ZBTB45: variants seen among roughly 807,000 people sequenced by gnomAD.
ZBTB45 encodes zinc finger and BTB domain-containing protein 45.
A neutral mutation model predicts 28.4 loss-of-function variants in ZBTB45; 22 were observed. The observed-to-expected ratio is 0.77, with a 90% CI of 0.55 to 1.10. ZBTB45 has a LOEUF of 1.10. ZBTB45 is among the 50% of genes least tolerant of loss of function. The pLI is 0.00. For missense variants in ZBTB45, 656 were observed against 750.2 expected (o/e 0.87, Z 1.47); for synonymous variants, 361 against 332.3 (o/e 1.09, Z -0.94).
chr19:58,522,817 C>G (rs1298407649), upstream of ZBTB45, among the ~76,000 whole-genome samples: 1 of 152,092 alleles, frequency 6.6e-6, no homozygotes, highest in African/African-American at 2.4e-5. Flanking sequence ...GGACGGCCCT[C>G]CCTTGGGCAA....
chr19:58,533,134 C>T (rs1011892596), intron 1 of ZBTB45, among the ~76,000 whole-genome samples: 6 of 152,144 alleles, frequency 3.9e-5, no homozygotes, highest in Admixed American at 2.6e-4. Flanking sequence ...CCACGTCCGG[C>T]CTAATTTTTA....
Position 58,529,904 on chromosome 19 carries a change from T to C in ZBTB45, c.-1+8797A>G, listed in dbSNP as rs116681612. ...TTAGTACTTCCTTTTTATGGCTGAA[T>C]GAGACCCCATTATGGCTGGGTGTGG... On this transcript the variant is annotated intron_variant, in intron 1 of 1. Transcript: ENST00000600130. Among the ~76,000 whole-genome samples the C allele has an allele frequency of 7.0e-3, 1,068 of 152,266 alleles. 12 individuals carry two copies. Among genetic ancestry groups the C allele is most frequent in the African/African-American group, 0.024 (983 of 41,546 alleles).
chr19:58,533,461 G>A lies in ZBTB45; in HGVS notation c.-1+5240C>T, dbSNP rs570414983. On this transcript the variant is annotated intron_variant, in intron 1 of 1. Transcript: ENST00000600130. The stretch of plus-strand genomic sequence containing the variant: ...GGTATTTGAAGCTGTCAGCCTTCAA[G>A]ACTGGAGTGATGCAGTGACAAGCCG... Among the ~76,000 whole-genome samples, 17 of 152,340 alleles carry A rather than the reference G, an allele frequency of 1.1e-4. 1 individual carries two copies. The South Asian group carries it at 3.5e-3, about 32-fold the overall frequency.
chr19:58,515,450 C>T lies in ZBTB45; in HGVS notation c.1279+945G>A, dbSNP rs1425310368. On this transcript the variant is annotated intron_variant, in intron 2 of 2. Transcript: ENST00000594051. The surrounding 1 kb of genome is among the most constrained non-coding windows in gnomAD (Gnocchi z 4.7). ...CACACTTCACACAGCCAGCACTACCCTGGGGCCTCTGGCAGTTCCCTGGAG... is the reference window on the plus strand; with the variant it reads ...CACACTTCACACAGCCAGCACTACCTTGGGGCCTCTGGCAGTTCCCTGGAG... 6.6e-6 allele frequency among the ~76,000 whole-genome samples: 1 copy of T among 152,148 alleles called. No individual in the cohort carries two copies. Among genetic ancestry groups the T allele is most frequent in the African/African-American group, 2.4e-5 (1 of 41,432 alleles).
chr19:58,521,366 CA>C (rs1180915172), upstream of ZBTB45, among the ~76,000 whole-genome samples: 247 of 93,798 alleles, frequency 2.6e-3, 2 homozygotes, highest in African/African-American at 7.8e-3. Context: ...CACTCAGTCT[CA>C]AAAAAAAAAA....
rs2053444454 is a variant in ZBTB45 at position 58,513,715 on chromosome 19, A to G, written c.*339T>C. 1 of 249,654 alleles carries G rather than the reference A, an allele frequency of 4.0e-6. No individual in the cohort carries two copies. Among genetic ancestry groups the G allele is most frequent in the Non-Finnish European group, 7.6e-6 (1 of 131,674 alleles). The allele number at this position is 249,654 out of a possible 1,614,324, so 15.5% of individuals were successfully genotyped here. On this transcript the variant is annotated 3_prime_UTR_variant, in exon 3 of 3. Transcript: ENST00000594051. ...GCAGGCAAGCGGCCCCCCAGCCCCC[A>G]CCACCACCCCAGGAGAGGGCGGGGT... is the stretch of plus-strand genomic sequence containing the variant.
At position 58,526,206 on chromosome 19, in the gene ZBTB45, TTTATTATTA is replaced by T. The variant is rs545744378; in HGVS notation, c.1-8542_1-8534del. ...TAAGCATGAGCCATGGTGCCTGGACTTTATTATTATTATTATTATTGAGATGCAGTTTGG... is the reference window on the plus strand; with the variant it reads ...TAAGCATGAGCCATGGTGCCTGGACTTTATTATTATTGAGATGCAGTTTGG... On this transcript the variant is annotated intron_variant, in intron 1 of 1. Coordinates refer to the ZBTB45 transcript ENST00000600130. 2.1e-3 allele frequency among the ~76,000 whole-genome samples: 324 copies of T among 151,802 alleles called. 1 individual carries two copies. The highest frequency in any genetic ancestry group is 0.014 in the Middle Eastern group (4 of 294).
At chr19:58,521,376 AAAAAAAAAG>A (rs1600064886), upstream of ZBTB45, among the ~76,000 whole-genome samples, 1 of 145,554 alleles carries the variant, frequency 6.9e-6, no homozygotes, top group African/African-American at 2.5e-5. Context: ...CAAAAAAAAA[AAAAAAAAAG>A]AAAGAAAGAA....
intron 1 of ZBTB45, among the ~76,000 whole-genome samples, chr19:58,530,490 G>A (rs1210685505): frequency 6.6e-6 from 1 of 151,522 alleles, no homozygotes; most frequent in African/African-American, 2.4e-5. Context: ...ATTTTTAGTA[G>A]AGATGGGGTT....
chr19:58,523,326 A>G (rs1238387046), upstream of ZBTB45, among the ~76,000 whole-genome samples: 12 of 151,932 alleles, frequency 7.9e-5, no homozygotes, highest in Admixed American at 7.9e-4. Flanking sequence ...CAGGTGGATC[A>G]CCTGAGGTCA....
At chr19:58,525,033 A>G (rs1360268765) in intron 1 of ZBTB45, among the ~76,000 whole-genome samples, 2 of 152,212 alleles carry the variant, frequency 1.3e-5, no homozygotes, top group African/African-American at 4.8e-5. Flanking sequence ...GGGCCTCCTC[A>G]GCTGGCTAAG....
chr19:58,518,572 T>A (rs553807240), intron 1 of ZBTB45, among the ~76,000 whole-genome samples: 2 of 151,894 alleles, frequency 1.3e-5, no homozygotes, highest in South Asian at 4.2e-4. Context: ...TAGCTGCCCA[T>A]GGAGTAATCG....
In ZBTB45 at chr19:58,516,655, C is replaced by A; in HGVS notation, c.1019G>T (p.Gly340Val). 2 of 1,563,216 alleles carry A rather than the reference C, an allele frequency of 1.3e-6. No individual in the cohort carries two copies. The highest frequency in any genetic ancestry group is 1.7e-6 in the Non-Finnish European group (2 of 1,153,958). ...ALFPFHLGAP[G>V]PPAPPPSAPS... Reference sequence around the variant, plus strand: ...TGCTGAAGGGGGTGGTGCGGGTGGCCCAGGGGCACCCAAGTGAAAGGGGAA... The same window carrying A: ...TGCTGAAGGGGGTGGTGCGGGTGGCACAGGGGCACCCAAGTGAAAGGGGAA... The change falls in exon 2 of 3, where the codon GGG becomes GTG. Residue 340 changes from glycine to valine, a missense_variant. By Grantham distance (109) the Gly-to-Val change is moderately radical. Around this residue, in one of 3 missense-constraint regions of ZBTB45, gnomAD observed 448 missense variants for 444.3 expected, o/e 1.01. Transcript: ENST00000594051. The surrounding 1 kb of genome is among the most constrained non-coding windows in gnomAD (Gnocchi z 6.2).
chr19:58,522,663 A>C (rs1209233966), upstream of ZBTB45, among the ~76,000 whole-genome samples: 1 of 152,102 alleles, frequency 6.6e-6, no homozygotes, highest in Non-Finnish European at 1.5e-5. Context: ...AAAAACACAC[A>C]AGTCTAATAA....
chr19:58,531,489 T>C (rs2053635528), intron 1 of ZBTB45, among the ~76,000 whole-genome samples: 1 of 152,192 alleles, frequency 6.6e-6, no homozygotes, highest in Non-Finnish European at 1.5e-5. Flanking sequence ...CAGATAATCC[T>C]GGGCAGTGCA....
At chr19:58,531,246 G>A (rs1222403510) in intron 1 of ZBTB45, among the ~76,000 whole-genome samples, 1 of 152,192 alleles carries the variant, frequency 6.6e-6, no homozygotes, top group Non-Finnish European at 1.5e-5. Context: ...CTGATGTGGA[G>A]CATTTATTGG....
chr19:58,518,408 C>T (rs1336043258), intron 1 of ZBTB45, among the ~76,000 whole-genome samples: 2 of 152,112 alleles, frequency 1.3e-5, no homozygotes, highest in African/African-American at 4.8e-5. Context: ...CCAGGGAAAC[C>T]AGTACATGCT....
chr19:58,537,998 C>A (rs929666009), intron 1 of ZBTB45, among the ~76,000 whole-genome samples: 2 of 152,014 alleles, frequency 1.3e-5, no homozygotes, highest in Non-Finnish European at 2.9e-5. Flanking sequence ...CCACCACGCC[C>A]GGCTAATTTT....
At chr19:58,529,138 T>C (rs1006641676) in intron 1 of ZBTB45, among the ~76,000 whole-genome samples, 1 of 147,368 alleles carries the variant, frequency 6.8e-6, no homozygotes, top group African/African-American at 2.6e-5. Context: ...TCATAAAGCA[T>C]CTTTTGAAAA....
Sources: gnomAD v4.1 joint callset for allele counts (sites outside exome capture counted in the v4.1 genomes callset) on GRCh38, gnomAD v4.1.1 for gene constraint, gnomAD v4.1.1 regional missense constraint, Gnocchi (gnomAD v3.1) non-coding constraint, MANE v1.5 for transcripts, NCBI Gene and HGNC (gene_info 2026-07-23, HGNC 2026-07-21) for gene names.